The following DLC1 variants were observed in gnomAD, a reference collection of about 807,000 sequenced individuals.
DLC1 encodes the protein rho GTPase-activating protein 7.
Under a neutral mutation model 140.3 loss-of-function variants are expected in DLC1, and 54 were observed. The ratio of observed to expected loss-of-function variants is 0.38; its 90% CI spans 0.31 to 0.48. The LOEUF (loss-of-function observed/expected upper bound fraction) is 0.48, where lower values mean the gene tolerates loss of function less well. Ranked by LOEUF, DLC1 falls within the 20% of genes least tolerant of loss-of-function variation. DLC1 has a pLI of 0.96. For synonymous variants in DLC1, 986 were observed against 728.1 expected (o/e 1.35, Z -5.70); for missense variants, 2,536 against 1,907.0 (o/e 1.33, Z -6.14).
At chr8:13,438,050 A>G (rs1273268740) in intron 2 of DLC1, among the ~76,000 whole-genome samples, 1 of 149,568 alleles carries the variant, frequency 6.7e-6, no homozygotes, top group Non-Finnish European at 1.5e-5. Flanking sequence ...GTACCATACT[A>G]TCAGTTATAT....
At position 13,102,987 on chromosome 8, in the gene DLC1, A is replaced by T. The variant is rs1035958142; in HGVS notation, c.1503-134T>A. ...AGTAATACCTAATACCTAGAGGAGT[A>T]TTAGAAACTTATTTAAAAAGTGAGT... On this transcript the variant is annotated intron_variant, in intron 7 of 17. Transcript: ENST00000276297. 1.8e-5 allele frequency: 13 copies of T among 714,238 alleles called. No homozygotes were observed. The East Asian group carries it at 3.2e-4, about 18-fold the overall frequency. 44.2% of individuals were successfully genotyped at this position (714,238 alleles called of 1,614,324 possible).
At chr8:13,309,318 G>C (rs914021980) in intron 4 of DLC1, among the ~76,000 whole-genome samples, 4 of 152,028 alleles carry the variant, frequency 2.6e-5, no homozygotes, top group African/African-American at 9.7e-5. Flanking sequence ...ATCATCCATA[G>C]TCTTTTGTTT....
chr8:13,358,841 G>A (rs1473074947), intron 4 of DLC1, among the ~76,000 whole-genome samples: 1 of 152,152 alleles, frequency 6.6e-6, no homozygotes, highest in Non-Finnish European at 1.5e-5. Context: ...TTAAAAATCA[G>A]ACTATGTTAC....
intron 1 of DLC1, among the ~76,000 whole-genome samples, chr8:13,527,762 C>A (rs1479667375): frequency 6.6e-6 from 1 of 151,968 alleles, no homozygotes; most frequent in Non-Finnish European, 1.5e-5. Context: ...ATGTTTTCAC[C>A]ACTATTTTGT....
chr8:13,397,957 C>G (rs770693873), intron 3 of DLC1, among the ~76,000 whole-genome samples: 1 of 151,808 alleles, frequency 6.6e-6, no homozygotes, highest in Non-Finnish European at 1.5e-5. Context: ...ATGGTGAAAC[C>G]CTGTCTCTAC....
chr8:13,402,692 T>A (rs1837351717), intron 2 of DLC1, among the ~76,000 whole-genome samples: 1 of 152,150 alleles, frequency 6.6e-6, no homozygotes, highest in African/African-American at 2.4e-5. Context: ...ATCAGTACAG[T>A]GATTGCAGAT....
chr8:13,164,419 T>C (rs540315945), intron 5 of DLC1, among the ~76,000 whole-genome samples: 16 of 152,328 alleles, frequency 1.1e-4, no homozygotes, highest in African/African-American at 3.8e-4. Context: ...AAGGTAGTGT[T>C]CATGGTCCAA....
rs370240794 is a variant in DLC1 at position 13,504,121 on chromosome 8, A to ATTTTTT, written c.-125-3931_-125-3926dup. ...ACATTTATCAGAAACATTTCAGAGAATTTTTTTTTTTTTTTTTTTTTTAAG... is the reference window on the plus strand; with the variant it reads ...ACATTTATCAGAAACATTTCAGAGAATTTTTTTTTTTTTTTTTTTTTTTTTTTTAAG... On this transcript the variant is annotated intron_variant, in intron 1 of 17. Coordinates refer to ENST00000276297, the MANE Select transcript of DLC1 (RefSeq NM_182643.3). Among the ~76,000 whole-genome samples the ATTTTTT allele has an allele frequency of 3.8e-3, 482 of 126,424 alleles. 13 individuals carry two copies. Among genetic ancestry groups the ATTTTTT allele is most frequent in the East Asian group, 0.018 (74 of 4,016 alleles). The allele number at this position is 126,424 out of a possible 152,430, so 82.9% of individuals were successfully genotyped here.
Position 13,499,778 on chromosome 8 carries a change from A to G in DLC1, c.294T>C (p.Leu98=). ...NDSHEGEDQF[L]SLEASTETLV... ...GTGTTTCTGTGCTGGCTTCCAGAGA[A>G]AGAAACTGATCTTCACCTTCATGGC... Residue 98 remains leucine, a synonymous_variant, in exon 2 of 18, where the codon CTT becomes CTC. Coordinates refer to ENST00000276297, the MANE Select transcript of DLC1 (RefSeq NM_182643.3). The G allele has an allele frequency of 1.2e-6, 2 of 1,614,076 alleles. No individual in the cohort carries two copies. The highest frequency in any genetic ancestry group is 1.7e-6 in the Non-Finnish European group (2 of 1,180,018).
chr8:13,396,360 T>G (rs549516815), intron 3 of DLC1, among the ~76,000 whole-genome samples: 5 of 152,262 alleles, frequency 3.3e-5, no homozygotes, highest in African/African-American at 1.2e-4. Flanking sequence ...CGCCTGGCCT[T>G]GCATTAATTT....
intron 1 of DLC1, chr8:13,559,358 G>A (rs758255129): frequency 6.6e-6 from 1 of 152,186 alleles, no homozygotes; most frequent in Non-Finnish European, 1.5e-5. Context: ...GCATTCTTCA[G>A]TGACATAGTT....
chr8:13,381,876 A>G (rs1836277916), intron 4 of DLC1, among the ~76,000 whole-genome samples: 1 of 152,178 alleles, frequency 6.6e-6, no homozygotes, highest in Admixed American at 6.5e-5. Context: ...CCATAACAAA[A>G]AAACTAAAAA....
chr8:13,119,356 T>A (rs1161468967), intron 5 of DLC1, among the ~76,000 whole-genome samples: 2 of 152,080 alleles, frequency 1.3e-5, no homozygotes, highest in Admixed American at 1.3e-4. Flanking sequence ...TTGGTGCTCA[T>A]CTCCACACAC....
At chr8:13,522,162 T>C (rs1353256738) in intron 1 of DLC1, among the ~76,000 whole-genome samples, 1 of 152,140 alleles carries the variant, frequency 6.6e-6, no homozygotes, top group Non-Finnish European at 1.5e-5. Context: ...CAGTGGGGTA[T>C]GGCATCAGGA....
At chr8:13,147,582 C>T (rs1823526152) in intron 5 of DLC1, among the ~76,000 whole-genome samples, 1 of 152,208 alleles carries the variant, frequency 6.6e-6, no homozygotes, top group Non-Finnish European at 1.5e-5. Context: ...CAGTTCTACT[C>T]CAACCAGGAC....
intron 2 of DLC1, among the ~76,000 whole-genome samples, chr8:13,484,475 C>G (rs546772159): frequency 7.9e-5 from 12 of 152,080 alleles, no homozygotes; most frequent in Non-Finnish European, 1.6e-4. Flanking sequence ...TATGCCTGGA[C>G]TGATTCTCTT....
At chr8:13,265,938 GC>G (rs1331812022) in intron 5 of DLC1, among the ~76,000 whole-genome samples, 1 of 152,170 alleles carries the variant, frequency 6.6e-6, no homozygotes, top group Non-Finnish European at 1.5e-5. Context: ...TTCAGGCACT[GC>G]TTTGACATAA....
In DLC1 at chr8:13,092,830, AC is replaced by A; in HGVS notation, c.3527-6del. 6.2e-7 allele frequency: 1 copy of A among 1,610,764 alleles called. No individual in the cohort carries two copies. Among genetic ancestry groups the A allele is most frequent in the Non-Finnish European group, 8.5e-7 (1 of 1,177,906 alleles). On this transcript the variant is annotated splice_region_variant and splice_polypyrimidine_tract_variant and intron_variant, in intron 12 of 17. Transcript: ENST00000276297. Reference sequence around the variant, plus strand: ...GGCGCTGGTCCTTGGGCACATCTGCACGACACCAGCACTTTCTCCATCAGCT... The same window carrying A: ...GGCGCTGGTCCTTGGGCACATCTGCAGACACCAGCACTTTCTCCATCAGCT...
chr8:13,164,998 T>C (rs146197576), intron 5 of DLC1, among the ~76,000 whole-genome samples: 1 of 152,208 alleles, frequency 6.6e-6, no homozygotes. Flanking sequence ...GAAGAAATTG[T>C]CATCTGAATA....
Sources: gnomAD v4.1 joint callset for allele counts (sites outside exome capture counted in the v4.1 genomes callset) on GRCh38, gnomAD v4.1.1 for gene constraint, MANE v1.5 for transcripts, NCBI Gene and HGNC (gene_info 2026-07-23, HGNC 2026-07-21) for gene names.